The following SDF2 variants were observed in gnomAD, a reference collection of about 807,000 sequenced individuals.
SDF2 encodes the protein stromal cell derived factor 2, also known as stromal cell-derived factor 2.
SDF2 carries 12 observed loss-of-function variants against 20.5 expected under a neutral mutation model. The ratio of observed to expected loss-of-function variants is 0.58; its 90% CI spans 0.37 to 0.95. The LOEUF (loss-of-function observed/expected upper bound fraction) is 0.95. Among genes scored for constraint, SDF2 ranks in the 40% least tolerant of loss-of-function variants. SDF2 has a pLI of 0.01. For missense variants in SDF2, 238 were observed against 263.1 expected, an observed-to-expected ratio of 0.90 and a Z score of 0.66; for synonymous variants, 100 against 101.0, an observed-to-expected ratio of 0.99 and a Z score of 0.06.
At position 28,649,125 on chromosome 17, in the gene SDF2, C is replaced by T; in HGVS notation, c.500G>A (p.Gly167Asp). Residue 167 changes from glycine to aspartate, a missense_variant, in exon 3 of 3, where the codon GGT (glycine) becomes GAT (aspartate). Transcript: ENST00000247020. ...CTCTTTTTGCCCACTGATAGGTCGA[C>T]CATATTGTTCTCCTGTGACAGACAG... ...VLLSVTGEQY[G>D]RPISGQKEVH... 6.2e-7 allele frequency: 1 copy of T among 1,614,210 alleles called. No individual in the cohort carries two copies. The highest frequency in any genetic ancestry group is 8.5e-7 in the Non-Finnish European group (1 of 1,180,050).
At chr17:28,659,448 T>A (rs2072001083) in intron 1 of SDF2, among the ~76,000 whole-genome samples, 1 of 106,448 alleles carries the variant, frequency 9.4e-6, no homozygotes, top group Non-Finnish European at 1.9e-5. Context: ...GGCGGCCAGG[T>A]GCTCCCCACT....
chr17:28,649,542 C>A (rs561741805), intron 2 of SDF2, among the ~76,000 whole-genome samples: 1 of 152,070 alleles, frequency 6.6e-6, no homozygotes, highest in South Asian at 2.1e-4. Flanking sequence ...CAAGACCAGC[C>A]TGACCGACAT....
Position 28,649,107 on chromosome 17 carries a change from T to C in SDF2, c.518A>G (p.Gln173Arg). ...CTGGGCCATGCCATGCACCTCTTTTTGCCCACTGATAGGTCGACCATATTG... is the reference window on the plus strand; with the variant it reads ...CTGGGCCATGCCATGCACCTCTTTTCGCCCACTGATAGGTCGACCATATTG... ...GEQYGRPISGQKEVHGMAQPS... is the reference protein window; with the variant it reads ...GEQYGRPISGRKEVHGMAQPS... The change falls in exon 3 of 3, where the codon CAA becomes CGA. Residue 173 changes from glutamine (Q) to arginine (R), a missense_variant. Physicochemically the swap from Gln to Arg is conservative, Grantham distance 43. Coordinates refer to ENST00000247020, the MANE Select transcript of SDF2 (RefSeq NM_006923.4). The C allele has an allele frequency of 6.2e-7, 1 of 1,614,246 alleles. No individual in the cohort carries two copies. The highest frequency in any genetic ancestry group is 8.5e-7 in the Non-Finnish European group (1 of 1,180,044).
At chr17:28,650,421 T>C (rs987853130) in intron 2 of SDF2, among the ~76,000 whole-genome samples, 1 of 152,210 alleles carries the variant, frequency 6.6e-6, no homozygotes, top group African/African-American at 2.4e-5. Context: ...TATTTTGCAA[T>C]TAATACTATA....
intron 1 of SDF2, 130 bp downstream of exon 1, chr17:28,661,596 C>G (rs2072044446): frequency 2.1e-6 from 2 of 954,192 alleles, no homozygotes; most frequent in Admixed American, 2.3e-5. Context: ...CTCCGACTCT[C>G]TAGACCTGAG....
Position 28,649,199 on chromosome 17 carries a change from C to G in SDF2, c.426G>C (p.Trp142Cys). 1 of 1,614,224 alleles carries G rather than the reference C, an allele frequency of 6.2e-7. No homozygotes were observed. The highest frequency in any genetic ancestry group is 8.5e-7 in the Non-Finnish European group (1 of 1,180,036). ...DWTVLCNGPY[W>C]VRDGEVRFKH... ...TGAACCGCACCTCACCATCTCTCACCCAGTAGGGTCCATTACAGAGCACTG... is the reference window on the plus strand; with the variant it reads ...TGAACCGCACCTCACCATCTCTCACGCAGTAGGGTCCATTACAGAGCACTG... The change falls in exon 3 of 3, where the codon TGG becomes TGC. Residue 142 changes from tryptophan to cysteine, a missense_variant. Transcript: ENST00000247020.
At chr17:28,655,804 C>T (rs1052564224) in intron 1 of SDF2, 24 of 353,940 alleles carry the variant, frequency 6.8e-5, no homozygotes, top group Non-Finnish European at 1.1e-4. Flanking sequence ...GTGCCGAACA[C>T]CAAATCAACC....
chr17:28,654,409 T>C (rs2071938674), intron 2 of SDF2, among the ~76,000 whole-genome samples: 1 of 152,026 alleles, frequency 6.6e-6, no homozygotes, highest in South Asian at 2.1e-4. Context: ...TATTGCAGAA[T>C]ATCAGAACTT....
intron 1 of SDF2, chr17:28,656,250 G>A (rs559860811): frequency 6.6e-6 from 1 of 151,910 alleles, no homozygotes; most frequent in South Asian, 2.1e-4. Context: ...GGGATTGATG[G>A]TGAGCCACTG....
upstream of SDF2, chr17:28,662,161 G>A (rs1292187699): frequency 1.2e-5 from 4 of 321,190 alleles, no homozygotes; most frequent in East Asian, 1.6e-4. Context: ...ACAAGAAATG[G>A]CCCGCCCACT....
At chr17:28,662,160 G>A (rs1246799159), upstream of SDF2, 13 of 330,084 alleles carry the variant, frequency 3.9e-5, no homozygotes, top group Non-Finnish European at 6.8e-5. Flanking sequence ...AACAAGAAAT[G>A]GCCCGCCCAC....
rs2072045291 is a variant in SDF2 at position 28,661,630 on chromosome 17, C to G, written c.151+96G>C. 4 of 1,393,786 alleles carry G rather than the reference C, an allele frequency of 2.9e-6. No homozygotes were observed. In the Middle Eastern group the frequency reaches 7.3e-4, roughly 255 times the overall value. The allele number at this position is 1,393,786 out of a possible 1,614,324, so 86.3% of individuals were successfully genotyped here. On this transcript the variant is annotated intron_variant, in intron 1 of 2. Transcript: ENST00000247020. ...AGGAACCTTCCCAGGGAACCCCTAA[C>G]TTTCCCAGACCACACTGTCAGATAT...
chr17:28,658,411 G>A (rs193252865), intron 1 of SDF2, among the ~76,000 whole-genome samples: 14 of 152,246 alleles, frequency 9.2e-5, no homozygotes, highest in Admixed American at 2.6e-4. Context: ...GCGGCCTTCC[G>A]CAGTGTTTGT....
At chr17:28,661,145 A>T in intron 1 of SDF2, 1 of 447,454 alleles carries the variant, frequency 2.2e-6, no homozygotes, top group Non-Finnish European at 4.5e-6. Flanking sequence ...CAAGTTTCTT[A>T]CAAGAAGGAG....
chr17:28,661,564 G>C (rs1031027757), intron 1 of SDF2, among the ~76,000 whole-genome samples, 162 bp downstream of exon 1: 1 of 152,300 alleles, frequency 6.6e-6, no homozygotes, highest in East Asian at 1.9e-4. Flanking sequence ...TTGCGATTAA[G>C]ATGCCTTAGA....
chr17:28,653,746 A>G (rs899749824), intron 2 of SDF2, among the ~76,000 whole-genome samples: 4 of 152,166 alleles, frequency 2.6e-5, no homozygotes, highest in Admixed American at 6.5e-5. Context: ...TGGGAGGCGG[A>G]GGTTGCAGTG....
At chr17:28,661,611 C>A in intron 1 of SDF2, 115 bp downstream of exon 1, 1 of 1,158,784 alleles carries the variant, frequency 8.6e-7, no homozygotes, top group Non-Finnish European at 1.2e-6. Flanking sequence ...CCTGAGGAAC[C>A]TTCCCAGGGA....
In SDF2 at chr17:28,657,152, G is replaced by A. The variant is rs541505242; in HGVS notation, c.152-1669C>T. On this transcript the variant is annotated intron_variant, in intron 1 of 2. Transcript: ENST00000247020. ...TGAGGCAGAAGAATTGCTTGCATCC[G>A]GGAGGCGGAGGTTGCAGTGAGCCGA... 1.9e-4 allele frequency among the ~76,000 whole-genome samples: 29 copies of A among 151,796 alleles called. No homozygotes were observed. In the South Asian group the frequency reaches 4.2e-3, roughly 22 times the overall value.
chr17:28,655,154 A>G, intron 2 of SDF2, 133 bp downstream of exon 2: 1 of 837,738 alleles, frequency 1.2e-6, no homozygotes, highest in Admixed American at 2.6e-5. Flanking sequence ...CCACACAAAA[A>G]TAGAGCCATT....
Sources: gnomAD v4.1 joint callset for allele counts (sites outside exome capture counted in the v4.1 genomes callset) on GRCh38, gnomAD v4.1.1 for gene constraint, MANE v1.5 for transcripts, NCBI Gene and HGNC (gene_info 2026-07-23, HGNC 2026-07-21) for gene names.